KAZN: variants seen among roughly 807,000 people sequenced by gnomAD.
KAZN encodes the protein kazrin, periplakin interacting protein, also known as kazrin.
Under a neutral mutation model 87.4 loss-of-function variants are expected in KAZN, and 40 were observed. The observed-to-expected ratio is 0.46, with a 90% confidence interval of 0.36 to 0.60. The LOEUF (loss-of-function observed/expected upper bound fraction) is 0.60, where lower values mean the gene tolerates loss of function less well. KAZN is among the 20% of genes least tolerant of loss of function. The pLI, the probability that KAZN is intolerant of heterozygous loss-of-function variation, is 0.00. For missense variants in KAZN, 898 were observed against 1,073.9 expected (o/e 0.84, Z 2.29); for synonymous variants, 466 against 458.3 (o/e 1.02, Z -0.22).
intron 2 of KAZN, among the ~76,000 whole-genome samples, chr1:14,378,742 G>C (rs866192064): frequency 2.6e-5 from 4 of 152,162 alleles, no homozygotes; most frequent in South Asian, 2.1e-4. Context: ...GTAGGAACTT[G>C]AGTTCTGGCA....
intron 1 of KAZN, among the ~76,000 whole-genome samples, chr1:14,069,360 C>T (rs752264333): frequency 2.0e-5 from 3 of 152,136 alleles, no homozygotes; most frequent in Admixed American, 6.5e-5. Context: ...TCTACACAAC[C>T]GCGATTATCA....
chr1:14,109,289 G>A (rs367610549), intron 1 of KAZN, among the ~76,000 whole-genome samples: 86 of 152,324 alleles, frequency 5.6e-4, no homozygotes, highest in African/African-American at 2.0e-3. Flanking sequence ...TGGGCCAGTA[G>A]CCCTTAGTAT....
At chr1:15,014,329 A>G (rs1669869797) in intron 2 of KAZN, among the ~76,000 whole-genome samples, 2 of 152,158 alleles carry the variant, frequency 1.3e-5, no homozygotes, top group African/African-American at 4.8e-5. Flanking sequence ...AAGGGAGCCC[A>G]TAGGTTCCCA....
chr1:13,962,988 T>C (rs570821795), intron 1 of KAZN, among the ~76,000 whole-genome samples: 9 of 152,248 alleles, frequency 5.9e-5, no homozygotes, highest in African/African-American at 2.2e-4. Context: ...GACGGAGAAG[T>C]CTTGGAGAAG....
intron 1 of KAZN, among the ~76,000 whole-genome samples, chr1:14,040,777 A>ATAAAATAAAATTAAAT (rs1641801865): frequency 5.6e-5 from 6 of 106,734 alleles, no homozygotes; most frequent in Non-Finnish European, 1.5e-4. Flanking sequence ...AAAAATTAAA[A>ATAAAATAAAATTAAAT]TAAAATAAAA....
intron 1 of KAZN, among the ~76,000 whole-genome samples, chr1:14,727,454 T>TC (rs1557427817): frequency 3.5e-4 from 4 of 11,352 alleles, no homozygotes; most frequent in Non-Finnish European, 5.1e-4. Context: ...CACTTTCTTT[T>TC]TTTTTTTTTT....
chr1:14,278,989 A>G (rs1263890135), intron 2 of KAZN, among the ~76,000 whole-genome samples: 1 of 136,736 alleles, frequency 7.3e-6, no homozygotes, highest in Non-Finnish European at 1.5e-5. Flanking sequence ...TGCGTCAATC[A>G]GGAGGTAGAT....
chr1:14,728,994 A>T (rs1643551915), intron 1 of KAZN, among the ~76,000 whole-genome samples: 1 of 152,164 alleles, frequency 6.6e-6, no homozygotes, highest in Non-Finnish European at 1.5e-5. Flanking sequence ...TTAGGTGACG[A>T]TTGGGAAGCT....
chr1:14,949,877 C>T lies in KAZN; in HGVS notation c.227-10807C>T, dbSNP rs1662274094. Reference sequence around the variant, plus strand: ...GGGTGGGCCCATCTCCCCATGGGAACTCTGGGCAGCAAGATGGTAGAAGAG... The same window carrying T: ...GGGTGGGCCCATCTCCCCATGGGAATTCTGGGCAGCAAGATGGTAGAAGAG... On this transcript the variant is annotated intron_variant, in intron 1 of 14. Coordinates refer to ENST00000376030, the MANE Select transcript of KAZN (RefSeq NM_201628.3). The surrounding 1 kb of genome is among the most constrained non-coding windows in gnomAD (Gnocchi z 4.3). 6.6e-6 allele frequency among the ~76,000 whole-genome samples: 1 copy of T among 151,886 alleles called. No individual in the cohort carries two copies. Among genetic ancestry groups the T allele is most frequent in the East Asian group, 1.9e-4 (1 of 5,156 alleles).
At chr1:14,866,886 T>C (rs1474313539) in intron 1 of KAZN, among the ~76,000 whole-genome samples, 1 of 152,246 alleles carries the variant, frequency 6.6e-6, no homozygotes, top group Non-Finnish European at 1.5e-5. Flanking sequence ...TGTGCTGGCC[T>C]GAGCTGTGGG....
chr1:14,370,993 G>C (rs12407887), intron 2 of KAZN, among the ~76,000 whole-genome samples: 1 of 152,044 alleles, frequency 6.6e-6, no homozygotes, highest in African/African-American at 2.4e-5. Flanking sequence ...CCCCCAGCTC[G>C]TATCTTCTAT....
chr1:14,415,130 T>C (rs1664643283), intron 2 of KAZN, among the ~76,000 whole-genome samples: 1 of 152,186 alleles, frequency 6.6e-6, no homozygotes, highest in Non-Finnish European at 1.5e-5. Flanking sequence ...AGTAAAGCAA[T>C]TAGACATCGT....
chr1:14,960,729 T>C lies in KAZN; in HGVS notation c.272T>C (p.Leu91Pro). 6.3e-7 allele frequency: 1 copy of C among 1,587,524 alleles called. No homozygotes were observed. Among genetic ancestry groups the C allele is most frequent in the Non-Finnish European group, 8.6e-7 (1 of 1,166,092 alleles). ...EVSRLQEEVH[L>P]LRQMKEMLAK... Reference sequence around the variant, plus strand: ...TCGCGGCTCCAGGAGGAAGTTCACCTTCTCCGGCAGATGAAGGAGATGTTG... The same window carrying C: ...TCGCGGCTCCAGGAGGAAGTTCACCCTCTCCGGCAGATGAAGGAGATGTTG... The change falls in exon 2 of 15, where the codon CTT (leucine) becomes CCT (proline). Residue 91 changes from leucine to proline, a missense_variant. By Grantham distance (98) the Leu-to-Pro change is moderately conservative (BLOSUM62 -3). Around this residue, in one of 3 missense-constraint regions of KAZN, gnomAD observed 250 missense variants for 263.0 expected, o/e 0.95. Transcript: ENST00000376030.
At chr1:14,993,276 T>G (rs982722653) in intron 2 of KAZN, among the ~76,000 whole-genome samples, 69 of 151,568 alleles carry the variant, frequency 4.6e-4, no homozygotes, top group Non-Finnish European at 4.4e-5. Context: ...GAGACCAGCC[T>G]GACCAACATG....
chr1:14,613,357 G>C (rs1410933189), intron 1 of KAZN, among the ~76,000 whole-genome samples: 1 of 152,148 alleles, frequency 6.6e-6, no homozygotes. Flanking sequence ...TGGTGAGCAG[G>C]CACACAGTAT....
chr1:14,511,076 A>G (rs1441716391), intron 2 of KAZN, among the ~76,000 whole-genome samples: 1 of 149,604 alleles, frequency 6.7e-6, no homozygotes, highest in East Asian at 2.0e-4. Context: ...CACTTACATT[A>G]TTAACACCAT....
At chr1:14,238,570 G>A (rs922917190) in intron 2 of KAZN, among the ~76,000 whole-genome samples, 3 of 152,248 alleles carry the variant, frequency 2.0e-5, no homozygotes, top group African/African-American at 2.4e-5. Context: ...ACGCTTATCC[G>A]ATGAACAATA....
intron 2 of KAZN, among the ~76,000 whole-genome samples, chr1:14,345,655 G>A (rs915970980): frequency 3.9e-5 from 6 of 152,082 alleles, no homozygotes; most frequent in African/African-American, 1.4e-4. Flanking sequence ...TGACTGTCTT[G>A]GAACGTGCCA....
chr1:14,584,659 T>C (rs1043523414), intron 2 of KAZN, among the ~76,000 whole-genome samples: 5 of 151,986 alleles, frequency 3.3e-5, no homozygotes, highest in Admixed American at 6.6e-5. Flanking sequence ...CTTTTTTTTT[T>C]TGAGACAAAG....
Sources: allele counts gnomAD v4.1 joint callset (sites outside exome capture counted in the v4.1 genomes callset), GRCh38; gene constraint gnomAD v4.1.1; regional missense constraint gnomAD v4.1.1; non-coding constraint Gnocchi (gnomAD v3.1); transcripts MANE v1.5; gene names NCBI Gene and HGNC (gene_info 2026-07-23, HGNC 2026-07-21).